SGCD: variants seen among roughly 807,000 people sequenced by gnomAD.
The protein encoded by SGCD is sarcoglycan delta.
In SGCD, 18 loss-of-function variants were observed where a neutral mutation model predicts 36.6. The observed-to-expected ratio is 0.49, with a 90% CI of 0.34 to 0.73. SGCD has a LOEUF of 0.73. SGCD is among the 30% of genes least tolerant of loss of function. The pLI, the probability that SGCD is intolerant of heterozygous loss-of-function variation, is 0.01. For missense variants in SGCD, 387 were observed against 346.7 expected (o/e 1.12, Z -0.92); for synonymous variants, 133 against 130.6 (o/e 1.02, Z -0.12).
intron 3 of SGCD, among the ~76,000 whole-genome samples, chr5:156,450,169 G>T (rs187929292): frequency 2.6e-5 from 4 of 152,052 alleles, no homozygotes; most frequent in African/African-American, 9.7e-5. Context: ...AGAAAGCTTC[G>T]GTAGGCTACA....
At chr5:156,195,835 T>C (rs1362215376) in intron 3 of SGCD, among the ~76,000 whole-genome samples, 2 of 152,206 alleles carry the variant, frequency 1.3e-5, no homozygotes, top group African/African-American at 4.8e-5. Flanking sequence ...CTTTGCTTAT[T>C]AGCCTATCAA....
the SGCD span, among the ~76,000 whole-genome samples, chr5:155,847,411 G>A: frequency 6.6e-6 from 1 of 152,120 alleles, no homozygotes; most frequent in East Asian, 1.9e-4. Flanking sequence ...TTATGGCATA[G>A]TTATTTGAGG....
intron 3 of SGCD, among the ~76,000 whole-genome samples, chr5:156,307,550 C>CTT (rs1767249265): frequency 7.0e-5 from 5 of 71,672 alleles, no homozygotes; most frequent in East Asian, 5.4e-4. Flanking sequence ...TACATTTTAA[C>CTT]TGTTGTTTTT....
chr5:155,985,218 G>A (rs1758307280), intron 1 of SGCD, among the ~76,000 whole-genome samples: 1 of 152,178 alleles, frequency 6.6e-6, no homozygotes, highest in Non-Finnish European at 1.5e-5. Context: ...TTTGCTTTGA[G>A]TTTCATGAGG....
At chr5:156,728,508 C>CCAAA (rs1383025380) in intron 7 of SGCD, among the ~76,000 whole-genome samples, 11 of 46,526 alleles carry the variant, frequency 2.4e-4, no homozygotes, top group African/African-American at 9.5e-4. Flanking sequence ...GAGACTCTGT[C>CCAAA]AAAAAAAAAA....
At chr5:156,413,244 C>A (rs1772863992) in intron 3 of SGCD, among the ~76,000 whole-genome samples, 1 of 152,134 alleles carries the variant, frequency 6.6e-6, no homozygotes, top group Non-Finnish European at 1.5e-5. Context: ...TCGGGGAAGG[C>A]CCTATTTGGA....
At chr5:156,538,577 A>C (rs959717422) in intron 4 of SGCD, among the ~76,000 whole-genome samples, 5 of 152,100 alleles carry the variant, frequency 3.3e-5, no homozygotes, top group Non-Finnish European at 1.5e-5. Context: ...GACTTAATGC[A>C]AATTAAGACA....
chr5:156,213,790 C>A (rs929662509), intron 3 of SGCD, among the ~76,000 whole-genome samples: 2 of 151,984 alleles, frequency 1.3e-5, no homozygotes, highest in Non-Finnish European at 2.9e-5. Flanking sequence ...GGATTTATAT[C>A]TGGGATTTAA....
intron 7 of SGCD, among the ~76,000 whole-genome samples, chr5:156,729,763 TAA>T (rs1205126944): frequency 6.6e-6 from 1 of 152,158 alleles, no homozygotes; most frequent in African/African-American, 2.4e-5. Flanking sequence ...GAACTAAAAA[TAA>T]CTTCTAACAT....
intron 1 of SGCD, among the ~76,000 whole-genome samples, chr5:156,112,840 G>A (rs146151110): frequency 6.6e-6 from 1 of 152,114 alleles, no homozygotes; most frequent in Non-Finnish European, 1.5e-5. Context: ...CCATTTCCTA[G>A]CCAGGCACTC....
chr5:156,120,880 G>T (rs1762020901), intron 2 of SGCD, among the ~76,000 whole-genome samples: 1 of 152,098 alleles, frequency 6.6e-6, no homozygotes, highest in Non-Finnish European at 1.5e-5. Context: ...TTCCAATGTT[G>T]TGTCTCTTGG....
chr5:156,375,182 G>A (rs753584986), intron 3 of SGCD, among the ~76,000 whole-genome samples: 20 of 151,006 alleles, frequency 1.3e-4, no homozygotes, highest in African/African-American at 2.2e-4. Context: ...GATTTTTTCC[G>A]TCTGCTTCCC....
At chr5:156,247,786 G>A (rs777107096) in intron 3 of SGCD, among the ~76,000 whole-genome samples, 1 of 152,144 alleles carries the variant, frequency 6.6e-6, no homozygotes, top group African/African-American at 2.4e-5. Context: ...CTCTCATGTT[G>A]GATGTTCTTT....
chr5:156,512,391 T>C (rs139953942), intron 4 of SGCD, among the ~76,000 whole-genome samples: 1 of 152,252 alleles, frequency 6.6e-6, no homozygotes, highest in African/African-American at 2.4e-5. Context: ...TCCAGTTGCC[T>C]ACAATATTCA....
chr5:156,237,372 C>T (rs977045715), intron 3 of SGCD, among the ~76,000 whole-genome samples: 2 of 152,022 alleles, frequency 1.3e-5, no homozygotes, highest in African/African-American at 4.8e-5. Flanking sequence ...TGCCTGTAAT[C>T]TCAGCACTTT....
chr5:156,189,676 G>A (rs778400461), intron 3 of SGCD, among the ~76,000 whole-genome samples: 4 of 151,826 alleles, frequency 2.6e-5, no homozygotes, highest in Non-Finnish European at 4.4e-5. Flanking sequence ...GAATAAATCC[G>A]GAAAATAAAT....
At chr5:155,986,898 G>T (rs1462354431) in intron 1 of SGCD, among the ~76,000 whole-genome samples, 1 of 152,166 alleles carries the variant, frequency 6.6e-6, no homozygotes, top group African/African-American at 2.4e-5. Context: ...GTAGCAGTGA[G>T]GAACTGGGGT....
intron 1 of SGCD, among the ~76,000 whole-genome samples, chr5:155,870,872 C>T (rs969747649): frequency 2.0e-5 from 3 of 152,084 alleles, no homozygotes; most frequent in South Asian, 2.1e-4. Context: ...AACACGCGAT[C>T]GTTATTTCAG....
At chr5:156,710,756 T>C (rs1021901074) in intron 7 of SGCD, among the ~76,000 whole-genome samples, 1 of 152,202 alleles carries the variant, frequency 6.6e-6, no homozygotes, top group African/African-American at 2.4e-5. Flanking sequence ...ACAATGTAGA[T>C]GAAGTCTCAT....
Sources: allele counts gnomAD v4.1 joint callset (sites outside exome capture counted in the v4.1 genomes callset), GRCh38; gene constraint gnomAD v4.1.1; transcripts MANE v1.5; gene names NCBI Gene and HGNC (gene_info 2026-07-23, HGNC 2026-07-21).